DNAH5: variants seen among roughly 807,000 people sequenced by gnomAD.
DNAH5 encodes the protein axonemal beta dynein heavy chain 5.
DNAH5 carries 372 observed loss-of-function variants against 518.2 expected under a neutral mutation model. That is an observed-to-expected ratio of 0.72 (90% CI 0.66 to 0.78). The LOEUF (loss-of-function observed/expected upper bound fraction) is 0.78. Ranked by LOEUF, DNAH5 falls within the 30% of genes least tolerant of loss-of-function variation. The probability of loss-of-function intolerance (pLI) is 0.00; values close to 1 mark genes in which losing one functional copy is unlikely to be tolerated. For synonymous variants in DNAH5, 2,039 were observed against 2,025.9 expected (o/e 1.01, Z -0.17); for missense variants, 5,523 against 5,687.0 (o/e 0.97, Z 0.93).
chr5:13,847,937 T>C (rs2151877861), intron 31 of DNAH5, among the ~76,000 whole-genome samples: 1 of 152,286 alleles, frequency 6.6e-6, no homozygotes, highest in East Asian at 1.9e-4. Flanking sequence ...CCCTCAGTCC[T>C]TCCATGTTGA....
intron 1 of DNAH5, among the ~76,000 whole-genome samples, chr5:13,992,815 G>A (rs556309768): frequency 5.3e-4 from 80 of 152,176 alleles, no homozygotes; most frequent in African/African-American, 1.7e-3. Context: ...AGTTCACTGG[G>A]TGTATATTTC....
intron 21 of DNAH5, among the ~76,000 whole-genome samples, chr5:13,882,203 G>A (rs545105898): frequency 2.0e-5 from 3 of 151,878 alleles, no homozygotes; most frequent in Non-Finnish European, 4.4e-5. Flanking sequence ...ACCACCAGAT[G>A]GTTGCATAGC....
intron 1 of DNAH5, among the ~76,000 whole-genome samples, chr5:13,970,603 TAAC>T (rs1201583439): frequency 1.3e-5 from 2 of 152,220 alleles, no homozygotes; most frequent in East Asian, 1.9e-4. Context: ...TTAAGGAGGC[TAAC>T]AACAGGATCC....
chr5:13,903,749 C>T (rs1774958685), intron 12 of DNAH5, among the ~76,000 whole-genome samples: 1 of 151,980 alleles, frequency 6.6e-6, no homozygotes, highest in South Asian at 2.1e-4. Flanking sequence ...ACTAAAATCA[C>T]ATATAAAACG....
At chr5:13,892,915 A>G (rs1823039) in intron 16 of DNAH5, among the ~76,000 whole-genome samples, 86,033 of 151,982 alleles carry the variant, frequency 0.57, 24,623 homozygotes, top group South Asian at 0.66. Context: ...GCCATTTAGC[A>G]TCTCTGGCTT....
rs145770417 is a variant in DNAH5, at chr5:13,931,099, A to G, written c.192+11T>C. ...CATCATCAAGTCAGTGAGAAGTGAA[A>G]CGCATCCCACCTGATTCCCTTCAAG... On this transcript the variant is annotated intron_variant, in intron 2 of 78. Coordinates refer to ENST00000265104, the MANE Select transcript of DNAH5 (RefSeq NM_001369.3). 2.7e-5 allele frequency: 43 copies of G among 1,614,034 alleles called. No homozygotes were observed. The African/African-American group carries it at 4.7e-4, about 18-fold the overall frequency.
At chr5:13,994,069 G>A (rs992783298) in intron 1 of DNAH5, among the ~76,000 whole-genome samples, 4 of 152,192 alleles carry the variant, frequency 2.6e-5, no homozygotes, top group African/African-American at 9.7e-5. Flanking sequence ...TGACCCGGGG[G>A]ATCTTCCCAT....
chr5:13,796,928 C>T (rs940045991), intron 47 of DNAH5, among the ~76,000 whole-genome samples: 3 of 152,096 alleles, frequency 2.0e-5, no homozygotes, highest in African/African-American at 7.2e-5. Flanking sequence ...TTTGACAAAC[C>T]TGAGAAAAAC....
chr5:13,859,369 T>C lies in DNAH5; in HGVS notation c.4950+83A>G. On this transcript the variant is annotated intron_variant, in intron 30 of 78. Transcript: ENST00000265104. ...GGAAGGGGGTTCAATAGAAGTGGAA[T>C]ATTATTGCATTATTTAAGGGGGTAA... 3 of 1,433,870 alleles carry C rather than the reference T, an allele frequency of 2.1e-6. No individual in the cohort carries two copies. In the South Asian group the frequency reaches 3.5e-5, roughly 17 times the overall value. The allele number at this position is 1,433,870 out of a possible 1,614,324, so 88.8% of individuals were successfully genotyped here.
At position 13,690,942 on chromosome 5, in the gene DNAH5, T is replaced by A. The variant is rs1436942105; in HGVS notation, c.*1042A>T. The A allele has an allele frequency of 6.6e-6, 1 of 152,198 alleles. No homozygotes were observed. The highest frequency in any genetic ancestry group is 1.9e-4 in the East Asian group (1 of 5,198). 9.4% of individuals were successfully genotyped at this position (152,198 alleles called of 1,614,324 possible). A position where few individuals can be genotyped will look rare whatever the true frequency, so the allele number is the denominator to read the frequency against. ...ATTTTTCTATCTTGCCATCTAATCT[T>A]TGTCCACATGCAAATATATTTGCTG... On this transcript the variant is annotated 3_prime_UTR_variant, in exon 79 of 79. Coordinates refer to ENST00000265104, the MANE Select transcript of DNAH5 (RefSeq NM_001369.3).
chr5:13,746,496 C>G (rs1266201092), intron 65 of DNAH5, among the ~76,000 whole-genome samples: 1 of 152,102 alleles, frequency 6.6e-6, no homozygotes, highest in Non-Finnish European at 1.5e-5. Context: ...TCCCTGGGCA[C>G]CTGGCCTGTT....
At chr5:13,791,050 C>T (rs552388108) in intron 50 of DNAH5, among the ~76,000 whole-genome samples, 4 of 152,116 alleles carry the variant, frequency 2.6e-5, no homozygotes, top group Admixed American at 6.6e-5. Flanking sequence ...CAAACCTTCA[C>T]GTGTACCCCC....
intron 70 of DNAH5, among the ~76,000 whole-genome samples, chr5:13,723,222 T>G (rs1306000693): frequency 1.3e-5 from 2 of 152,214 alleles, no homozygotes; most frequent in Non-Finnish European, 2.9e-5. Flanking sequence ...CTGGCAGGTG[T>G]TTAATAAGTT....
intron 64 of DNAH5, among the ~76,000 whole-genome samples, chr5:13,751,840 C>T (rs1750277995): frequency 6.6e-6 from 1 of 152,068 alleles, no homozygotes; most frequent in African/African-American, 2.4e-5. Flanking sequence ...CAGGTTTTAT[C>T]AGCTTGCCCA....
At chr5:13,696,051 C>T (rs1019826962) in intron 78 of DNAH5, among the ~76,000 whole-genome samples, 1 of 152,110 alleles carries the variant, frequency 6.6e-6, no homozygotes, top group African/African-American at 2.4e-5. Flanking sequence ...TACGGCTATC[C>T]CCACCCCAGG....
chr5:13,985,703 G>A (rs1217981311), intron 1 of DNAH5, among the ~76,000 whole-genome samples: 1 of 152,058 alleles, frequency 6.6e-6, no homozygotes, highest in Non-Finnish European at 1.5e-5. Flanking sequence ...TGCCCCAACA[G>A]AGAACTCACC....
intron 8 of DNAH5, 99 bp from the exon 9 acceptor site, chr5:13,916,554 T>C: frequency 3.2e-6 from 2 of 615,500 alleles, no homozygotes; most frequent in South Asian, 1.7e-5. Context: ...GTTTAAGAGC[T>C]TTCTATTAAA....
At chr5:13,975,848 T>C (rs1269305215) in intron 1 of DNAH5, among the ~76,000 whole-genome samples, 2 of 152,174 alleles carry the variant, frequency 1.3e-5, no homozygotes, top group Non-Finnish European at 2.9e-5. Flanking sequence ...GCTCCTCCAG[T>C]CAGCTAAACT....
At chr5:13,755,776 A>T (rs985679123) in intron 61 of DNAH5, among the ~76,000 whole-genome samples, 3 of 152,206 alleles carry the variant, frequency 2.0e-5, no homozygotes, top group African/African-American at 7.2e-5. Context: ...TAGAAAAAAA[A>T]AACTTTTTAT....
Sources: gnomAD v4.1 joint callset for allele counts (sites outside exome capture counted in the v4.1 genomes callset) on GRCh38, gnomAD v4.1.1 for gene constraint, MANE v1.5 for transcripts, NCBI Gene and HGNC (gene_info 2026-07-23, HGNC 2026-07-21) for gene names.